The following GADD45GIP1 variants were observed in gnomAD, a reference collection of about 807,000 sequenced individuals.
The protein encoded by GADD45GIP1 is GADD45G interacting protein 1.
GADD45GIP1 carries 17 observed loss-of-function variants against 22.1 expected under a neutral mutation model. The observed-to-expected ratio is 0.77, with a 90% confidence interval of 0.53 to 1.15. The LOEUF is 1.15. Among genes scored for constraint, GADD45GIP1 ranks in the 50% most tolerant of loss-of-function variants. The pLI is 0.00. For synonymous variants in GADD45GIP1, 135 were observed against 138.4 expected, an observed-to-expected ratio of 0.98 and a Z score of 0.17; for missense variants, 294 against 314.0, an observed-to-expected ratio of 0.94 and a Z score of 0.48.
In GADD45GIP1 at chr19:12,954,533, G is replaced by A. The variant is rs1599673344; in HGVS notation, c.351-7C>T. On this transcript the variant is annotated splice_polypyrimidine_tract_variant and splice_region_variant and intron_variant, in intron 1 of 1. Transcript: ENST00000316939. ...CTCTGCGATGTGCTGCTCCCTGCAG[G>A]GGAGGGAGAGTGGGCTGTGACACTG... 6.2e-7 allele frequency: 1 copy of A among 1,601,906 alleles called. No homozygotes were observed. Among genetic ancestry groups the A allele is most frequent in the Non-Finnish European group, 8.5e-7 (1 of 1,172,178 alleles).
chr19:12,953,492 T>C lies in GADD45GIP1; in HGVS notation c.*716A>G, dbSNP rs1971872516. 6.5e-6 allele frequency: 1 copy of C among 153,820 alleles called. No homozygotes were observed. Among genetic ancestry groups the C allele is most frequent in the Non-Finnish European group, 1.4e-5 (1 of 69,030 alleles). 9.5% of individuals were successfully genotyped at this position (153,820 alleles called of 1,614,324 possible). A position where few individuals can be genotyped will look rare whatever the true frequency, so the allele number is the denominator to read the frequency against. On this transcript the variant is annotated 3_prime_UTR_variant, in exon 2 of 2. Coordinates refer to ENST00000316939, the MANE Select transcript of GADD45GIP1 (RefSeq NM_052850.4). ...CCCAAATCTTTCCATCTAGGGCAAG[T>C]CCTGAAAGGCCCAAGGCCCCCTCCC... is the stretch of plus-strand genomic sequence containing the variant.
chr19:12,956,060 C>T (rs903619035), intron 1 of GADD45GIP1, among the ~76,000 whole-genome samples: 3 of 152,170 alleles, frequency 2.0e-5, no homozygotes, highest in African/African-American at 7.2e-5. Context: ...AAACTTTCTA[C>T]CCAAGAGATC....
At position 12,953,893 on chromosome 19, in the gene GADD45GIP1, C is replaced by G. The variant is rs974549341; in HGVS notation, c.*315G>C. ...ATCACCACAGTCTGTTTTGGCTATA[C>G]TTCCCCCCCCACCAGCCTTGTAATT... On this transcript the variant is annotated 3_prime_UTR_variant, in exon 2 of 2. Transcript: ENST00000316939. 2 of 318,746 alleles carry G rather than the reference C, an allele frequency of 6.3e-6. No individual in the cohort carries two copies. The highest frequency in any genetic ancestry group is 2.1e-5 in the African/African-American group (1 of 46,612). 19.7% of individuals were successfully genotyped at this position (318,746 alleles called of 1,614,324 possible).
chr19:12,954,546 G>A lies in GADD45GIP1; in HGVS notation c.351-20C>T. ...TGCTCCCTGCAGGGGAGGGAGAGTG[G>A]GCTGTGACACTGGCACTCAGCCAGG... On this transcript the variant is annotated intron_variant, in intron 1 of 1. Transcript: ENST00000316939. 6.3e-7 allele frequency: 1 copy of A among 1,590,374 alleles called. No homozygotes were observed. The highest frequency in any genetic ancestry group is 8.6e-7 in the Non-Finnish European group (1 of 1,165,798).
intron 1 of GADD45GIP1, among the ~76,000 whole-genome samples, chr19:12,955,535 C>T (rs967796646): frequency 2.0e-4 from 31 of 152,164 alleles, no homozygotes; most frequent in Non-Finnish European, 4.1e-4. Context: ...ACCCCCTTCA[C>T]GCTCCAGGAT....
chr19:12,953,896 C>G lies in GADD45GIP1; in HGVS notation c.*312G>C, dbSNP rs963070310. The G allele has an allele frequency of 3.3e-6, 1 of 305,340 alleles. No homozygotes were observed. The highest frequency in any genetic ancestry group is 6.1e-6 in the Non-Finnish European group (1 of 163,132). The allele number at this position is 305,340 out of a possible 1,614,324, so 18.9% of individuals were successfully genotyped here. A position where few individuals can be genotyped will look rare whatever the true frequency, so the allele number is the denominator to read the frequency against. ...ACCACAGTCTGTTTTGGCTATACTT[C>G]CCCCCCCACCAGCCTTGTAATTGGC... On this transcript the variant is annotated 3_prime_UTR_variant, in exon 2 of 2. Coordinates refer to ENST00000316939, the MANE Select transcript of GADD45GIP1 (RefSeq NM_052850.4).
At chr19:12,956,689 G>A (rs959457177) in intron 1 of GADD45GIP1, among the ~76,000 whole-genome samples, 174 bp downstream of exon 1, 11 of 152,044 alleles carry the variant, frequency 7.2e-5, no homozygotes, top group Admixed American at 5.2e-4. Context: ...AAAACTTGCT[G>A]ATGAATGACT....
Position 12,953,160 on chromosome 19 carries a change from T to A in GADD45GIP1, c.*1048A>T. 2.6e-6 allele frequency: 2 copies of A among 765,074 alleles called. No homozygotes were observed. Among genetic ancestry groups the A allele is most frequent in the Non-Finnish European group, 3.9e-6 (2 of 506,704 alleles). 47.4% of individuals were successfully genotyped at this position (765,074 alleles called of 1,614,324 possible). On this transcript the variant is annotated 3_prime_UTR_variant, in exon 2 of 2. Coordinates refer to ENST00000316939, the MANE Select transcript of GADD45GIP1 (RefSeq NM_052850.4). ...TTTATTTAAGAAATGGAAAAAAAAA[T>A]CAAAAATCTTAAAAAAACAAGCAAA...
rs540182627 is a variant in GADD45GIP1 at position 12,953,902 on chromosome 19, C to A, written c.*306G>T. 31 of 350,202 alleles carry A rather than the reference C, an allele frequency of 8.9e-5. No homozygotes were observed. Among genetic ancestry groups the A allele is most frequent in the Non-Finnish European group, 1.4e-4 (27 of 191,064 alleles). The allele number at this position is 350,202 out of a possible 1,614,324, so 21.7% of individuals were successfully genotyped here. A position where few individuals can be genotyped will look rare whatever the true frequency, so the allele number is the denominator to read the frequency against. The stretch of plus-strand genomic sequence containing the variant: ...GTCTGTTTTGGCTATACTTCCCCCC[C>A]CACCAGCCTTGTAATTGGCTAATTA... On this transcript the variant is annotated 3_prime_UTR_variant, in exon 2 of 2. Transcript: ENST00000316939.
At chr19:12,955,330 C>T (rs1568456686) in intron 1 of GADD45GIP1, among the ~76,000 whole-genome samples, 1 of 152,082 alleles carries the variant, frequency 6.6e-6, no homozygotes, top group Non-Finnish European at 1.5e-5. Flanking sequence ...AGAATTAAGC[C>T]CTATAATGGT....
In GADD45GIP1 at chr19:12,953,261, T is replaced by G; in HGVS notation, c.*947A>C. The G allele has an allele frequency of 2.5e-6, 1 of 396,664 alleles. No homozygotes were observed. Among genetic ancestry groups the G allele is most frequent in the East Asian group, 4.3e-5 (1 of 23,504 alleles). The allele number at this position is 396,664 out of a possible 1,614,324, so 24.6% of individuals were successfully genotyped here. A position where few individuals can be genotyped will look rare whatever the true frequency, so the allele number is the denominator to read the frequency against. ...CCAGACAGCTGTCCCCCCGTCCTCCTCCCCAGCCCAGCCTGCTCAGAGAAG... is the reference window on the plus strand; with the variant it reads ...CCAGACAGCTGTCCCCCCGTCCTCCGCCCCAGCCCAGCCTGCTCAGAGAAG... On this transcript the variant is annotated 3_prime_UTR_variant, in exon 2 of 2. Transcript: ENST00000316939.
Position 12,956,889 on chromosome 19 carries a change from C to T in GADD45GIP1, c.324G>A (p.Leu108=), listed in dbSNP as rs1971930537. ...TCTCCCGACGCTTCTGCTCTTCGGC[C>T]AGCTGCTTCACCCGCAGCGACTCCT... ...TMQESLRVKQ[L]AEEQKRRERE... The change falls in exon 1 of 2, where the codon CTG becomes CTA. Residue 108 remains leucine (L), a synonymous_variant. Transcript: ENST00000316939. 3 of 1,598,866 alleles carry T rather than the reference C, an allele frequency of 1.9e-6. No homozygotes were observed. Among genetic ancestry groups the T allele is most frequent in the Admixed American group, 1.7e-5 (1 of 59,906 alleles).
Position 12,954,313 on chromosome 19 carries a change from C to T in GADD45GIP1, c.564G>A (p.Lys188=), listed in dbSNP as rs1168473692. Residue 188 remains lysine (K), a synonymous_variant, in exon 2 of 2, where the codon AAG becomes AAA. Coordinates refer to ENST00000316939, the MANE Select transcript of GADD45GIP1 (RefSeq NM_052850.4). ...GTTTCTGTTTTTCCTCCTTGAGGCG[C>T]TTGCGCTCCTTCTTCTCTAGGTCCT... ...LLQDLEKKER[K]RLKEEKQKRK... is the part of the protein sequence containing the mutation. The T allele has an allele frequency of 2.5e-6, 4 of 1,614,076 alleles. No homozygotes were observed. The African/African-American group carries it at 4.0e-5, about 16-fold the overall frequency.
chr19:12,955,505 A>C (rs12151206), intron 1 of GADD45GIP1, among the ~76,000 whole-genome samples: 297 of 152,172 alleles, frequency 2.0e-3, no homozygotes, highest in Non-Finnish European at 2.4e-3. Flanking sequence ...AAGATTAAAC[A>C]CCAGGAACAC....
At position 12,953,827 on chromosome 19, in the gene GADD45GIP1, C is replaced by T. The variant is rs1262632536; in HGVS notation, c.*381G>A. 2 of 185,396 alleles carry T rather than the reference C, an allele frequency of 1.1e-5. No homozygotes were observed. The highest frequency in any genetic ancestry group is 4.7e-5 in the African/African-American group (2 of 42,238). 11.5% of individuals were successfully genotyped at this position (185,396 alleles called of 1,614,324 possible). A position where few individuals can be genotyped will look rare whatever the true frequency, so the allele number is the denominator to read the frequency against. ...GTCATTTCCAGGCAGTGGACCCCAG[C>T]CCAACGTTACAAGGACTGCTTCTCC... is the stretch of plus-strand genomic sequence containing the variant. On this transcript the variant is annotated 3_prime_UTR_variant, in exon 2 of 2. Coordinates refer to ENST00000316939, the MANE Select transcript of GADD45GIP1 (RefSeq NM_052850.4).
chr19:12,956,303 G>A (rs1026913537), intron 1 of GADD45GIP1, among the ~76,000 whole-genome samples: 2 of 152,198 alleles, frequency 1.3e-5, no homozygotes, highest in Non-Finnish European at 1.5e-5. Context: ...TTACAGGCAC[G>A]AGCCACCGCC....
In GADD45GIP1 at chr19:12,954,354, A is replaced by T; in HGVS notation, c.523T>A (p.Phe175Ile). Residue 175 changes from phenylalanine (F) to isoleucine (I), a missense_variant, in exon 2 of 2, where the codon TTC becomes ATC. Phe to Ile is a conservative substitution (Grantham distance 21). Transcript: ENST00000316939. ...TCTAGGTCCTGGAGCAGCTCCTGGA[A>T]GCGGGCACTCCTTGGGTCCACCTGG... ...GYQVDPRSAR[F>I]QELLQDLEKK... The T allele has an allele frequency of 6.2e-7, 1 of 1,614,094 alleles. No individual in the cohort carries two copies. The highest frequency in any genetic ancestry group is 8.5e-7 in the Non-Finnish European group (1 of 1,179,986).
At chr19:12,956,716 G>C (rs1013391952) in intron 1 of GADD45GIP1, 147 bp downstream of exon 1, 1 of 656,560 alleles carries the variant, frequency 1.5e-6, no homozygotes, top group Admixed American at 3.0e-5. Context: ...ACGTTATTCT[G>C]AGTTTGTTTT....
At chr19:12,954,729 G>T (rs185746726) in intron 1 of GADD45GIP1, among the ~76,000 whole-genome samples, 2 of 152,284 alleles carry the variant, frequency 1.3e-5, no homozygotes, top group East Asian at 3.9e-4. Context: ...TGATCACAAG[G>T]GCATGTCAAG....
Sources: gnomAD v4.1 joint callset for allele counts (sites outside exome capture counted in the v4.1 genomes callset) on GRCh38, gnomAD v4.1.1 for gene constraint, MANE v1.5 for transcripts, NCBI Gene and HGNC (gene_info 2026-07-23, HGNC 2026-07-21) for gene names.